Variants in PCDH9 observed in about 807,000 individuals in gnomAD.
PCDH9 encodes protocadherin-9.
PCDH9 carries 24 observed loss-of-function variants against 70.6 expected under a neutral mutation model. The ratio of observed to expected loss-of-function variants is 0.34; its 90% CI spans 0.25 to 0.48. PCDH9 has a LOEUF of 0.48. Ranked by LOEUF, PCDH9 falls within the 20% of genes least tolerant of loss-of-function variation. PCDH9 has a pLI of 0.99. For synonymous variants in PCDH9, 562 were observed against 558.5 expected (o/e 1.01, Z -0.09); for missense variants, 1,281 against 1,503.6 (o/e 0.85, Z 2.45).
At chr13:66,957,653 T>C (rs567133834) in intron 2 of PCDH9, among the ~76,000 whole-genome samples, 1 of 152,260 alleles carries the variant, frequency 6.6e-6, no homozygotes, top group Admixed American at 6.5e-5. Flanking sequence ...ACTGTCCTTA[T>C]GAGAAGAGAC....
At chr13:66,811,806 C>T (rs2080513079) in intron 3 of PCDH9, among the ~76,000 whole-genome samples, 1 of 150,774 alleles carries the variant, frequency 6.6e-6, no homozygotes. Flanking sequence ...CTCCTTCTTT[C>T]CTTCTTCCTT....
At chr13:67,131,262 T>C (rs1198153063) in intron 2 of PCDH9, among the ~76,000 whole-genome samples, 1 of 152,154 alleles carries the variant, frequency 6.6e-6, no homozygotes, top group East Asian at 1.9e-4. Context: ...GTGAGGATTG[T>C]AGAAGAGATG....
intron 4 of PCDH9, among the ~76,000 whole-genome samples, chr13:66,629,424 C>G (rs2077541334): frequency 6.6e-6 from 1 of 152,176 alleles, no homozygotes; most frequent in African/African-American, 2.4e-5. Context: ...ACTAGGAAAA[C>G]AGTTTTGAAA....
intron 2 of PCDH9, among the ~76,000 whole-genome samples, chr13:66,990,649 A>G (rs1394768436): frequency 6.8e-6 from 1 of 147,874 alleles, no homozygotes; most frequent in Non-Finnish European, 1.5e-5. Flanking sequence ...ATAAATATAC[A>G]TATATATATA....
intron 2 of PCDH9, among the ~76,000 whole-genome samples, chr13:66,965,020 T>C (rs1422704495): frequency 6.6e-6 from 1 of 152,018 alleles, no homozygotes; most frequent in Non-Finnish European, 1.5e-5. Flanking sequence ...ATTTTAAACA[T>C]TTCTTTTTAG....
At chr13:67,007,467 T>A (rs1427262225) in intron 2 of PCDH9, among the ~76,000 whole-genome samples, 4 of 152,160 alleles carry the variant, frequency 2.6e-5, no homozygotes, top group African/African-American at 9.7e-5. Context: ...ATAAATTTAA[T>A]AACAAAATGT....
At chr13:66,563,756 C>T (rs1282304920) in intron 4 of PCDH9, among the ~76,000 whole-genome samples, 2 of 152,084 alleles carry the variant, frequency 1.3e-5, no homozygotes, top group Non-Finnish European at 2.9e-5. Context: ...TGACATTTTT[C>T]TGTTTTTTCG....
chr13:67,112,198 C>T (rs1440831139), intron 2 of PCDH9, among the ~76,000 whole-genome samples: 1 of 152,158 alleles, frequency 6.6e-6, no homozygotes, highest in Non-Finnish European at 1.5e-5. Context: ...ATACCATTTC[C>T]ATCATCATTA....
intron 2 of PCDH9, among the ~76,000 whole-genome samples, chr13:66,999,314 T>C (rs1220071878): frequency 6.6e-6 from 1 of 151,988 alleles, no homozygotes; most frequent in Non-Finnish European, 1.5e-5. Context: ...TAGATGACAG[T>C]AGAAAAGGAA....
rs115184740 is a variant in PCDH9 at position 66,878,452 on chromosome 13, C to T, written c.3138+25052G>A. 6.4e-3 allele frequency among the ~76,000 whole-genome samples: 980 copies of T among 152,170 alleles called. 11 individuals carry two copies. Among genetic ancestry groups the T allele is most frequent in the African/African-American group, 0.022 (916 of 41,532 alleles). Reference sequence around the variant, plus strand: ...TCGTTGGCCAGGCTAGTCTGGAACTCCTGAACTCAGGTGATCAGCCCGCCT... The same window carrying T: ...TCGTTGGCCAGGCTAGTCTGGAACTTCTGAACTCAGGTGATCAGCCCGCCT... On this transcript the variant is annotated intron_variant, in intron 3 of 4. Coordinates refer to ENST00000377865, the MANE Select transcript of PCDH9 (RefSeq NM_203487.3).
intron 3 of PCDH9, among the ~76,000 whole-genome samples, chr13:66,760,840 G>A (rs914389517): frequency 6.6e-6 from 1 of 152,130 alleles, no homozygotes; most frequent in Non-Finnish European, 1.5e-5. Context: ...TGCTCTGGGA[G>A]TGTCTATCTT....
At chr13:66,518,008 C>A (rs974511527) in intron 4 of PCDH9, among the ~76,000 whole-genome samples, 1 of 152,058 alleles carries the variant, frequency 6.6e-6, no homozygotes, top group East Asian at 1.9e-4. Context: ...AAAGAAATAC[C>A]TGAGATTGGG....
intron 4 of PCDH9, 56 bp from the exon 5 acceptor site, chr13:66,305,084 A>G (rs1184615688): frequency 5.5e-6 from 8 of 1,453,604 alleles, no homozygotes; most frequent in Non-Finnish European, 6.4e-6. Context: ...ATTTTCAATT[A>G]GAATTATCTT....
Position 67,004,565 on chromosome 13 carries a change from AAAGAAAG to A in PCDH9, c.3037-100967_3037-100961del, listed in dbSNP as rs2084312171. ...GAGACTCCGTCTCAAAAAAAAAAAAAAAGAAAGAAAGAAAGAAAGAAAGAAATGTATA... is the reference window on the plus strand; with the variant it reads ...GAGACTCCGTCTCAAAAAAAAAAAAAAAAGAAAGAAAGAAAGAAATGTATA... On this transcript the variant is annotated intron_variant, in intron 2 of 4. Transcript: ENST00000377865. Among the ~76,000 whole-genome samples, 5 of 140,366 alleles carry A rather than the reference AAAGAAAG, an allele frequency of 3.6e-5. No homozygotes were observed. In the South Asian group the frequency reaches 6.7e-4, roughly 19 times the overall value. 92.1% of individuals were successfully genotyped at this position (140,366 alleles called of 152,430 possible). A position where few individuals can be genotyped will look rare whatever the true frequency, so the allele number is the denominator to read the frequency against.
chr13:66,836,637 T>C (rs977876812), intron 3 of PCDH9, among the ~76,000 whole-genome samples: 1 of 152,184 alleles, frequency 6.6e-6, no homozygotes, highest in Non-Finnish European at 1.5e-5. Context: ...ACTGAGCTGT[T>C]TGAAACCAGA....
intron 4 of PCDH9, among the ~76,000 whole-genome samples, chr13:66,322,053 TG>T (rs369636458): frequency 0.032 from 4,846 of 151,278 alleles, 326 homozygotes; most frequent in African/African-American, 0.11. Flanking sequence ...TTTGGATGCA[TG>T]GGGGGGGTGT....
rs745996087 is a variant in PCDH9 at position 66,602,098 on chromosome 13, CA to C, written c.3340+29111del. On this transcript the variant is annotated intron_variant, in intron 4 of 4. Coordinates refer to ENST00000377865, the MANE Select transcript of PCDH9 (RefSeq NM_203487.3). ...AAGTCCTCCAGGTATTAGTGTAGAA[CA>C]GGGGTGTTCAGCCTTTTGGTTTCCC... Among the ~76,000 whole-genome samples the C allele has an allele frequency of 1.2e-4, 17 of 146,014 alleles. 2 individuals are homozygous for C. Among genetic ancestry groups the C allele is most frequent in the Non-Finnish European group, 2.3e-4 (15 of 64,890 alleles).
At chr13:67,224,422 T>A (rs1038857060) in intron 2 of PCDH9, 2 of 152,178 alleles carry the variant, frequency 1.3e-5, no homozygotes, top group African/African-American at 4.8e-5. Flanking sequence ...AGCGACATGA[T>A]ACCCTAGTGC....
At chr13:67,091,697 T>C (rs944144965) in intron 2 of PCDH9, among the ~76,000 whole-genome samples, 2 of 152,162 alleles carry the variant, frequency 1.3e-5, no homozygotes, top group African/African-American at 4.8e-5. Context: ...AATGTAATCA[T>C]TAGACTTATA....
Sources: allele counts gnomAD v4.1 joint callset (sites outside exome capture counted in the v4.1 genomes callset), GRCh38; gene constraint gnomAD v4.1.1; transcripts MANE v1.5; gene names NCBI Gene and HGNC (gene_info 2026-07-23, HGNC 2026-07-21).